Variants in KCNMA1 observed in about 807,000 individuals in gnomAD.
KCNMA1 encodes potassium calcium-activated channel subfamily M alpha 1.
In KCNMA1, 29 loss-of-function variants were observed where a neutral mutation model predicts 140.0. The observed-to-expected ratio is 0.21, with a 90% CI of 0.15 to 0.28. The LOEUF is 0.28. KCNMA1 is among the 10% of genes least tolerant of loss of function. The pLI, the probability that KCNMA1 is intolerant of heterozygous loss-of-function variation, is 1.00. For synonymous variants in KCNMA1, 612 were observed against 611.9 expected, an observed-to-expected ratio of 1.00 and a Z score of 0.00; for missense variants, 880 against 1,602.2, an observed-to-expected ratio of 0.55 and a Z score of 7.70.
chr10:77,338,419 G>A (rs556102246), intron 2 of KCNMA1, among the ~76,000 whole-genome samples: 2 of 152,282 alleles, frequency 1.3e-5, no homozygotes, highest in Admixed American at 6.5e-5. Context: ...CTTTGCCCGG[G>A]ATGGCTCTGC....
chr10:77,006,854 T>C (rs954314465), intron 18 of KCNMA1, among the ~76,000 whole-genome samples: 1 of 152,216 alleles, frequency 6.6e-6, no homozygotes, highest in African/African-American at 2.4e-5. Context: ...GTTCTGTCGA[T>C]GAAGAAAGCC....
intron 1 of KCNMA1, among the ~76,000 whole-genome samples, chr10:77,605,679 G>A (rs1280248451): frequency 6.6e-6 from 1 of 152,218 alleles, no homozygotes; most frequent in East Asian, 1.9e-4. Context: ...GTTGAGGGAG[G>A]TGACAGGGCG....
Position 77,402,373 on chromosome 10 carries a change from C to T in KCNMA1, c.540+1489G>A, listed in dbSNP as rs968486758. ...ACTGAATTGTCTCCCTCTCTGCCTT[C>T]CTCCAAGCAGCCACTGACCTCACCA... On this transcript the variant is annotated intron_variant, in intron 2 of 27. Coordinates refer to ENST00000286628, the MANE Select transcript of KCNMA1 (RefSeq NM_001161352.2). 3.9e-5 allele frequency among the ~76,000 whole-genome samples: 6 copies of T among 152,214 alleles called. No individual in the cohort carries two copies. The South Asian group carries it at 6.2e-4, about 16-fold the overall frequency.
At chr10:77,621,726 G>C (rs1805933224) in intron 1 of KCNMA1, among the ~76,000 whole-genome samples, 1 of 152,094 alleles carries the variant, frequency 6.6e-6, no homozygotes, top group Non-Finnish European at 1.5e-5. Context: ...TCAAGAGTTA[G>C]AGACCAGCCT....
At chr10:77,518,291 A>C (rs1227671541) in intron 1 of KCNMA1, among the ~76,000 whole-genome samples, 1 of 152,208 alleles carries the variant, frequency 6.6e-6, no homozygotes, top group Non-Finnish European at 1.5e-5. Context: ...CCCCCAGTGA[A>C]ATATGAGGTC....
rs187267164 is a variant in KCNMA1, at chr10:76,967,365, C to T, written c.2360+2609G>A. Among the ~76,000 whole-genome samples the T allele has an allele frequency of 2.2e-4, 34 of 152,212 alleles. No homozygotes were observed. The East Asian group carries it at 5.0e-3, about 22-fold the overall frequency. On this transcript the variant is annotated intron_variant, in intron 20 of 27. Transcript: ENST00000286628. The stretch of plus-strand genomic sequence containing the variant: ...TTACTGGAGAGTAGAAAGCAGGTGT[C>T]GGAAGAGGCGGGGGCAACTGGAAAA...
At chr10:77,224,163 T>A (rs1464065806) in intron 3 of KCNMA1, among the ~76,000 whole-genome samples, 1 of 152,208 alleles carries the variant, frequency 6.6e-6, no homozygotes, top group Non-Finnish European at 1.5e-5. Flanking sequence ...GCAGACCTAA[T>A]TAGCCTTACA....
chr10:77,333,816 C>A (rs888241061), intron 2 of KCNMA1, among the ~76,000 whole-genome samples: 1 of 152,152 alleles, frequency 6.6e-6, no homozygotes, highest in Non-Finnish European at 1.5e-5. Flanking sequence ...ACTTTAGAAA[C>A]GATGTGAGTG....
intron 17 of KCNMA1, among the ~76,000 whole-genome samples, chr10:77,017,404 T>C (rs1272011941): frequency 6.6e-6 from 1 of 152,280 alleles, no homozygotes; most frequent in South Asian, 2.1e-4. Context: ...TTCAGTCCCA[T>C]TAATCCTAAT....
At chr10:77,060,806 G>T (rs1248951335) in intron 14 of KCNMA1, among the ~76,000 whole-genome samples, 2 of 152,164 alleles carry the variant, frequency 1.3e-5, no homozygotes, top group African/African-American at 2.4e-5. Flanking sequence ...TAAAGAAGAA[G>T]AAATAGGAGA....
chr10:76,956,319 G>A (rs2068268198), intron 20 of KCNMA1, among the ~76,000 whole-genome samples: 1 of 152,098 alleles, frequency 6.6e-6, no homozygotes, highest in Non-Finnish European at 1.5e-5. Context: ...TTTCACACTG[G>A]AGCTCAAGCC....
Position 77,090,976 on chromosome 10 carries a change from T to C in KCNMA1, c.1224-466A>G, listed in dbSNP as rs542169518. 1.5e-4 allele frequency: 28 copies of C among 188,592 alleles called. No homozygotes were observed. The East Asian group carries it at 3.5e-3, about 23-fold the overall frequency. The allele number at this position is 188,592 out of a possible 1,614,324, so 11.7% of individuals were successfully genotyped here. ...ATCTTGCTGAAACGATGATTTTGTG[T>C]GTAAGAAAGCAGACTTTTATCAGGG... is the stretch of plus-strand genomic sequence containing the variant. On this transcript the variant is annotated intron_variant, in intron 9 of 27. Transcript: ENST00000286628.
At chr10:77,060,961 G>C (rs1358791455) in intron 14 of KCNMA1, among the ~76,000 whole-genome samples, 1 of 152,104 alleles carries the variant, frequency 6.6e-6, no homozygotes, top group African/African-American at 2.4e-5. Context: ...CCACCATGTT[G>C]ACTCTAACTC....
chr10:77,615,037 A>G (rs536841897), intron 1 of KCNMA1, among the ~76,000 whole-genome samples: 1 of 152,316 alleles, frequency 6.6e-6, no homozygotes, highest in South Asian at 2.1e-4. Context: ...AGAACACATA[A>G]TCCCTGATAG....
Position 77,139,950 on chromosome 10 carries a change from C to A in KCNMA1, c.809-18902G>T, listed in dbSNP as rs140861562. On this transcript the variant is annotated intron_variant, in intron 5 of 27. Transcript: ENST00000286628. ...AATGCCTCTTCCAAAAATGCTGACTCACTGAAAATTATTGCCATTTAATAA... is the reference window on the plus strand; with the variant it reads ...AATGCCTCTTCCAAAAATGCTGACTAACTGAAAATTATTGCCATTTAATAA... Among the ~76,000 whole-genome samples the A allele has an allele frequency of 8.6e-3, 1,305 of 152,298 alleles. 19 individuals are homozygous for A. The highest frequency in any genetic ancestry group is 0.029 in the African/African-American group (1,226 of 41,560).
At chr10:77,390,161 G>A (rs983254454) in intron 2 of KCNMA1, among the ~76,000 whole-genome samples, 2 of 152,162 alleles carry the variant, frequency 1.3e-5, no homozygotes, top group Admixed American at 6.5e-5. Flanking sequence ...AACTACTGCG[G>A]CCCCCTCTAT....
intron 2 of KCNMA1, among the ~76,000 whole-genome samples, chr10:77,275,818 G>GAGGCCCAGCCCCAGCCA (rs1218124846): frequency 6.6e-6 from 1 of 152,182 alleles, no homozygotes; most frequent in East Asian, 1.9e-4. Flanking sequence ...GATGGCAAGG[G>GAGGCCCAGCCCCAGCCA]AGGCCCAGCC....
chr10:76,995,304 A>G (rs1420491145), intron 19 of KCNMA1: 2 of 220,898 alleles, frequency 9.1e-6, no homozygotes, highest in African/African-American at 4.6e-5. Flanking sequence ...AAATTGATAA[A>G]AATTTAATAA....
At chr10:77,245,104 GCA>G (rs1393403962) in intron 3 of KCNMA1, among the ~76,000 whole-genome samples, 1 of 152,094 alleles carries the variant, frequency 6.6e-6, no homozygotes, top group Non-Finnish European at 1.5e-5. Flanking sequence ...GAGGTGCTTT[GCA>G]CACAGTGATT....
Sources: allele counts gnomAD v4.1 joint callset (sites outside exome capture counted in the v4.1 genomes callset), GRCh38; gene constraint gnomAD v4.1.1; transcripts MANE v1.5; gene names NCBI Gene and HGNC (gene_info 2026-07-23, HGNC 2026-07-21).